The following DLG3 variants were observed in gnomAD, a reference collection of about 807,000 sequenced individuals.
DLG3 encodes discs large MAGUK scaffold protein 3.
DLG3 carries 1 observed loss-of-function variant against 64.1 expected under a neutral mutation model. That is an observed-to-expected ratio of 0.02 (90% CI 0.01 to 0.07). The LOEUF is 0.07. Among genes scored for constraint, DLG3 ranks in the 10% least tolerant of loss-of-function variants. The pLI, the probability that DLG3 is intolerant of heterozygous loss-of-function variation, is 1.00. For missense variants in DLG3, 429 were observed against 669.5 expected, an observed-to-expected ratio of 0.64 and a Z score of 3.96; for synonymous variants, 245 against 259.8, an observed-to-expected ratio of 0.94 and a Z score of 0.55.
At chrX:70,468,765 T>C (rs1434368636) in intron 9 of DLG3, among the ~76,000 whole-genome samples, 1 of 112,230 alleles carries the variant, frequency 8.9e-6, no homozygotes. Context: ...TTTATTGATT[T>C]GGTATTGTTT....
At chrX:70,461,644 C>T (rs2086803486) in intron 9 of DLG3, among the ~76,000 whole-genome samples, 1 of 108,511 alleles carries the variant, frequency 9.2e-6, no homozygotes, top group East Asian at 2.9e-4. Flanking sequence ...AATCTCAGCT[C>T]ACTGCAACCT....
intron 10 of DLG3, among the ~76,000 whole-genome samples, chrX:70,489,614 G>T (rs753189090): frequency 1.8e-5 from 2 of 111,798 alleles, no homozygotes; most frequent in Non-Finnish European, 3.8e-5. Context: ...GAAGTAAACT[G>T]TTACATCAAT....
At chrX:70,475,717 A>G (rs1204352080) in intron 9 of DLG3, among the ~76,000 whole-genome samples, 3 of 112,462 alleles carry the variant, frequency 2.7e-5, no homozygotes, top group Admixed American at 1.9e-4. Flanking sequence ...AAGGACACAT[A>G]CTAAAAATAC....
intron 10 of DLG3, among the ~76,000 whole-genome samples, chrX:70,483,870 C>T (rs1759350460): frequency 8.9e-6 from 1 of 112,321 alleles, no homozygotes; most frequent in Admixed American, 9.4e-5. Context: ...CCTCAGTCTG[C>T]CCAGCCTAGG....
At chrX:70,488,851 A>T (rs745477334) in intron 10 of DLG3, among the ~76,000 whole-genome samples, 1 of 112,585 alleles carries the variant, frequency 8.9e-6, no homozygotes, top group East Asian at 2.8e-4. Flanking sequence ...CAAACCTCAG[A>T]TACTACATTT....
chrX:70,493,596 C>T (rs1026313380), intron 12 of DLG3: 5 of 580,080 alleles, frequency 8.6e-6, no homozygotes, highest in Admixed American at 8.3e-5. Context: ...TGCCTGTGTG[C>T]GTGTGCACCT....
In DLG3 at chrX:70,482,344, C is replaced by G. The variant is rs1222049063; in HGVS notation, c.1520+3080C>G. 1.4e-4 allele frequency among the ~76,000 whole-genome samples: 16 copies of G among 112,234 alleles called. No homozygotes were observed. In the Admixed American group the frequency reaches 1.5e-3, roughly 11 times the overall value. ...TCAGTGTCTTCAAGATAAAGGGGAA[C>G]AAACATTTAGGGAACACATTGTTCA... On this transcript the variant is annotated intron_variant, in intron 10 of 18. Transcript: ENST00000374360.
At chrX:70,487,720 C>T (rs752894709) in intron 10 of DLG3, among the ~76,000 whole-genome samples, 1 of 112,375 alleles carries the variant, frequency 8.9e-6, no homozygotes, top group Non-Finnish European at 1.9e-5. Context: ...GGCGCGATCT[C>T]GGTTTACCGC....
At chrX:70,489,413 C>T (rs1331682180) in intron 10 of DLG3, among the ~76,000 whole-genome samples, 1 of 111,701 alleles carries the variant, frequency 9.0e-6, no homozygotes, top group African/African-American at 3.3e-5. Context: ...AGCGATTCTC[C>T]TGCCTCAGCC....
intron 9 of DLG3, among the ~76,000 whole-genome samples, chrX:70,471,023 CT>C (rs1234693665): frequency 4.8e-4 from 50 of 103,702 alleles, no homozygotes; most frequent in Admixed American, 6.3e-4. Context: ...GTTTGTATTC[CT>C]TTTTTTTTTT....
At chrX:70,502,031 G>T in intron 18 of DLG3, 132 bp from the exon 19 acceptor site, 2 of 533,343 alleles carry the variant, frequency 3.7e-6, no homozygotes, top group Non-Finnish European at 6.6e-6. Context: ...ATACTCCTGG[G>T]AACATGTCCT....
At position 70,445,163 on chromosome X, in the gene DLG3, G is replaced by C. The variant is rs376766177; in HGVS notation, c.-39G>C. On this transcript the variant is annotated 5_prime_UTR_variant, in exon 1 of 19. Coordinates refer to ENST00000374360, the MANE Select transcript of DLG3 (RefSeq NM_021120.4). Reference sequence around the variant, plus strand: ...CGGCGGTGGCGGCGGCGTGGAATCCGGCGTGGGCTGGGGGGTCCGAGCCGC... The same window carrying C: ...CGGCGGTGGCGGCGGCGTGGAATCCCGCGTGGGCTGGGGGGTCCGAGCCGC... 3 of 1,073,633 alleles carry C rather than the reference G, an allele frequency of 2.8e-6. No individual in the cohort carries two copies. The highest frequency in any genetic ancestry group is 2.0e-5 in the South Asian group (1 of 48,864). 88.5% of individuals were successfully genotyped at this position (1,073,633 alleles called of 1,213,427 possible). A position where few individuals can be genotyped will look rare whatever the true frequency, so the allele number is the denominator to read the frequency against.
intron 3 of DLG3, 102 bp from the exon 4 acceptor site, chrX:70,449,588 G>A: frequency 8.7e-7 from 1 of 1,152,678 alleles, no homozygotes; most frequent in Non-Finnish European, 1.2e-6. Flanking sequence ...CTGAGGGCGG[G>A]GTGGGAGGGC....
rs1213060424 is a variant in DLG3, at chrX:70,449,787, C to A, written c.631C>A (p.Arg211=). The change falls in exon 4 of 19, where the codon CGA becomes AGA. Residue 211 remains arginine (R), a synonymous_variant. Coordinates refer to ENST00000374360, the MANE Select transcript of DLG3 (RefSeq NM_021120.4). ...EALKEAGPVV[R]LVVRRRQPPP... is the part of the protein sequence containing the mutation. Reference sequence around the variant, plus strand: ...GCTGAAGGAGGCAGGCCCTGTGGTGCGATTGGTGGTGCGGAGGCGACAGCC... The same window carrying A: ...GCTGAAGGAGGCAGGCCCTGTGGTGAGATTGGTGGTGCGGAGGCGACAGCC... 8.3e-7 allele frequency: 1 copy of A among 1,206,649 alleles called. No homozygotes were observed. Among genetic ancestry groups the A allele is most frequent in the Admixed American group, 2.2e-5 (1 of 45,315 alleles).
intron 2 of DLG3, 143 bp from the exon 3 acceptor site, chrX:70,449,216 G>A (rs999030863): frequency 3.3e-6 from 3 of 898,374 alleles, no homozygotes; most frequent in Non-Finnish European, 4.8e-6. Context: ...GAGGCTGGGT[G>A]TCTGACAAAT....
chrX:70,449,597 G>T, intron 3 of DLG3, 93 bp from the exon 4 acceptor site: 1 of 350,203 alleles, frequency 2.9e-6, no homozygotes, highest in Non-Finnish European at 5.6e-6. Flanking sequence ...GGGTGGGAGG[G>T]CAGAGGAGGG....
At chrX:70,449,110 G>A in intron 2 of DLG3, 147 bp downstream of exon 2, 3 of 730,380 alleles carry the variant, frequency 4.1e-6, no homozygotes, top group Non-Finnish European at 6.3e-6. Flanking sequence ...CTGCTTCACT[G>A]CATCAATCAA....
intron 9 of DLG3, among the ~76,000 whole-genome samples, chrX:70,468,157 C>T (rs1320682609): frequency 9.0e-6 from 1 of 111,471 alleles, no homozygotes; most frequent in Non-Finnish European, 1.9e-5. Context: ...GCAACCTCTG[C>T]CTCCTGAGTT....
intron 6 of DLG3, 122 bp downstream of exon 6, chrX:70,450,905 C>T: frequency 1.1e-6 from 1 of 940,053 alleles, no homozygotes; most frequent in South Asian, 2.1e-5. Context: ...GGCACTGTAG[C>T]AGCCAATAAG....
Sources: gnomAD v4.1 joint callset for allele counts (sites outside exome capture counted in the v4.1 genomes callset) on GRCh38, gnomAD v4.1.1 for gene constraint, MANE v1.5 for transcripts, NCBI Gene and HGNC (gene_info 2026-07-23, HGNC 2026-07-21) for gene names.